PVT1: variants seen among roughly 807,000 people sequenced by gnomAD.
The protein encoded by PVT1 is CXCR4/PVT1 fusion.
intron 2 of PVT1, among the ~76,000 whole-genome samples, chr8:127,862,119 C>T (rs767602744): frequency 1.2e-4 from 18 of 152,126 alleles, no homozygotes; most frequent in Admixed American, 5.9e-4. Context: ...AAAATTTTAA[C>T]TTTTCTGGCT....
intron 2 of PVT1, among the ~76,000 whole-genome samples, chr8:127,836,503 G>A (rs1229271433): frequency 2.6e-5 from 4 of 152,122 alleles, no homozygotes; most frequent in African/African-American, 9.7e-5. Context: ...GCTGAACCAT[G>A]TAGTCTAAAT....
intron 4 of PVT1, among the ~76,000 whole-genome samples, chr8:127,991,136 C>CTTTT (rs1471313507): frequency 7.3e-6 from 1 of 136,394 alleles, no homozygotes. Context: ...TTTTTCTTTT[C>CTTTT]TTTCTTTTTT....
At chr8:127,997,466 T>C (rs951626105) in intron 4 of PVT1, among the ~76,000 whole-genome samples, 1 of 152,144 alleles carries the variant, frequency 6.6e-6, no homozygotes, top group Non-Finnish European at 1.5e-5. Flanking sequence ...GCTGATAACA[T>C]TGTTCAGAGT....
At chr8:127,838,870 C>T (rs939911449) in intron 2 of PVT1, among the ~76,000 whole-genome samples, 9 of 152,068 alleles carry the variant, frequency 5.9e-5, no homozygotes, top group Admixed American at 2.6e-4. Flanking sequence ...AGCAATGGAC[C>T]GTATATACAA....
intron 4 of PVT1, chr8:128,009,490 T>A (rs1436885908): frequency 6.6e-6 from 1 of 152,666 alleles, no homozygotes; most frequent in Non-Finnish European, 1.5e-5. Context: ...CTTTTTTTTT[T>A]TCTGTCTAAA....
At chr8:128,026,662 A>G (rs72720883) in intron 4 of PVT1, among the ~76,000 whole-genome samples, 22,071 of 152,122 alleles carry the variant, frequency 0.15, 3,621 homozygotes, top group African/African-American at 0.41. Context: ...ACCCCTGGGA[A>G]GGCAGGCAGC....
At chr8:127,936,028 C>T (rs1252687709) in intron 3 of PVT1, among the ~76,000 whole-genome samples, 1 of 143,430 alleles carries the variant, frequency 7.0e-6, no homozygotes, top group Non-Finnish European at 1.5e-5. Flanking sequence ...TCTTCTCTCT[C>T]TCTCTCTTTT....
intron 3 of PVT1, among the ~76,000 whole-genome samples, chr8:127,923,783 G>A (rs574232694): frequency 1.9e-3 from 292 of 152,328 alleles, no homozygotes; most frequent in African/African-American, 6.8e-3. Context: ...CCCATGCTGG[G>A]GAGCAAAAGG....
At chr8:127,891,563 AGGG>A (rs1298550451) in intron 3 of PVT1, among the ~76,000 whole-genome samples, 3 of 152,212 alleles carry the variant, frequency 2.0e-5, no homozygotes, top group African/African-American at 7.2e-5. Context: ...CCTGCAGTGA[AGGG>A]TTAAGTATTA....
chr8:127,878,171 A>G (rs1190160787), intron 2 of PVT1, among the ~76,000 whole-genome samples: 1 of 152,064 alleles, frequency 6.6e-6, no homozygotes, highest in African/African-American at 2.4e-5. Context: ...ATAGTCAAAC[A>G]AAAGGAAATT....
At chr8:127,929,883 A>G (rs1295997144) in intron 3 of PVT1, among the ~76,000 whole-genome samples, 1 of 152,248 alleles carries the variant, frequency 6.6e-6, no homozygotes, top group Non-Finnish European at 1.5e-5. Flanking sequence ...ATTCTGGACA[A>G]TTGTCAAACC....
At chr8:127,868,370 T>C (rs1312215558) in intron 2 of PVT1, among the ~76,000 whole-genome samples, 1 of 152,046 alleles carries the variant, frequency 6.6e-6, no homozygotes, top group Non-Finnish European at 1.5e-5. Flanking sequence ...TCCTGTCACT[T>C]GAATCACAGT....
intron 2 of PVT1, among the ~76,000 whole-genome samples, chr8:127,817,718 CA>C (rs1324876150): frequency 6.8e-6 from 1 of 146,342 alleles, no homozygotes; most frequent in Non-Finnish European, 1.5e-5. Flanking sequence ...CCTGTCTCTA[CA>C]AAAATGAAAA....
At chr8:128,033,190 A>G (rs1813415095) in intron 4 of PVT1, among the ~76,000 whole-genome samples, 1 of 152,214 alleles carries the variant, frequency 6.6e-6, no homozygotes, top group African/African-American at 2.4e-5. Context: ...ATACCCAACA[A>G]TCCACTTAAG....
At chr8:127,997,660 A>T (rs945863277) in intron 4 of PVT1, among the ~76,000 whole-genome samples, 2 of 152,356 alleles carry the variant, frequency 1.3e-5, no homozygotes, top group East Asian at 3.9e-4. Context: ...TTGTGAAAAC[A>T]GTTCAAAAAG....
intron 5 of PVT1, among the ~76,000 whole-genome samples, chr8:128,080,912 TC>T (rs1438739282): frequency 2.0e-5 from 3 of 152,256 alleles, no homozygotes; most frequent in Non-Finnish European, 4.4e-5. Flanking sequence ...ATATTTAGAT[TC>T]TTTTTTTGCA....
At chr8:127,950,232 G>A (rs1286849678) in intron 3 of PVT1, among the ~76,000 whole-genome samples, 1 of 152,158 alleles carries the variant, frequency 6.6e-6, no homozygotes, top group Non-Finnish European at 1.5e-5. Flanking sequence ...ACCTCACTTG[G>A]GTGCTACTGT....
chr8:128,012,039 A>G (rs117347392), intron 4 of PVT1, among the ~76,000 whole-genome samples: 1,818 of 152,324 alleles, frequency 0.012, 22 homozygotes, highest in South Asian at 0.023. Flanking sequence ...GAATCATTAC[A>G]AACAGAAACG....
chr8:127,925,080 G>A (rs1454723430), intron 3 of PVT1, among the ~76,000 whole-genome samples: 1 of 152,188 alleles, frequency 6.6e-6, no homozygotes. Context: ...TTCTCTGCGT[G>A]CTAAGAAATT....
Sources: gnomAD v4.1 joint callset for allele counts (sites outside exome capture counted in the v4.1 genomes callset) on GRCh38, gnomAD v4.1.1 for gene constraint, MANE v1.5 for transcripts, NCBI Gene and HGNC (gene_info 2026-07-23, HGNC 2026-07-21) for gene names.